Variants in PEX1 observed in about 807,000 individuals in gnomAD.
PEX1 encodes peroxisomal ATPase PEX1.
A neutral mutation model predicts 152.5 loss-of-function variants in PEX1; 97 were observed. The observed-to-expected ratio is 0.64, with a 90% CI of 0.54 to 0.75. The LOEUF (loss-of-function observed/expected upper bound fraction) is 0.75. PEX1 is among the 30% of genes least tolerant of loss of function. PEX1 has a pLI of 0.00. For synonymous variants in PEX1, 485 were observed against 531.6 expected (o/e 0.91, Z 1.21); for missense variants, 1,357 against 1,516.3 (o/e 0.89, Z 1.74).
intron 5 of PEX1, among the ~76,000 whole-genome samples, chr7:92,516,490 T>C (rs554633643): frequency 6.6e-6 from 1 of 152,108 alleles, no homozygotes; most frequent in Non-Finnish European, 1.5e-5. Context: ...TGTCAGTTAT[T>C]TGTATAAAGG....
rs1792592603 is a variant in PEX1, at chr7:92,513,792, G to C, written c.1359+56C>G. On this transcript the variant is annotated intron_variant, in intron 6 of 23. Coordinates refer to ENST00000248633, the MANE Select transcript of PEX1 (RefSeq NM_000466.3). ...TCTTATTACTTAGCTAAAGCAACTAGAAATCTTACAAAACGTGTAAAAGAA... is the reference window on the plus strand; with the variant it reads ...TCTTATTACTTAGCTAAAGCAACTACAAATCTTACAAAACGTGTAAAAGAA... 18 of 1,338,190 alleles carry C rather than the reference G, an allele frequency of 1.3e-5. No homozygotes were observed. The South Asian group carries it at 2.2e-4, about 16-fold the overall frequency. The allele number at this position is 1,338,190 out of a possible 1,614,324, so 82.9% of individuals were successfully genotyped here.
intron 5 of PEX1, among the ~76,000 whole-genome samples, chr7:92,516,051 G>GAGAAGAGAAAAA (rs1792740402): frequency 1.3e-5 from 1 of 75,336 alleles, no homozygotes; most frequent in African/African-American, 5.1e-5. Flanking sequence ...GAGAAGAGAA[G>GAGAAGAGAAAAA]AGAAAAAAGA....
chr7:92,499,317 T>C (rs1325093633), intron 16 of PEX1, among the ~76,000 whole-genome samples: 1 of 152,206 alleles, frequency 6.6e-6, no homozygotes, highest in African/African-American at 2.4e-5. Context: ...ATTCAAATGT[T>C]CACCACTGAT....
At chr7:92,511,166 G>A in intron 7 of PEX1, 119 bp from the exon 8 acceptor site, 1 of 630,084 alleles carries the variant, frequency 1.6e-6, no homozygotes, top group Non-Finnish European at 2.8e-6. Context: ...CCCCAACAGG[G>A]TCTCACTCTG....
intron 2 of PEX1, among the ~76,000 whole-genome samples, chr7:92,521,257 A>G (rs1488000859): frequency 6.6e-6 from 1 of 151,514 alleles, no homozygotes; most frequent in African/African-American, 2.4e-5. Context: ...TAAGCCATTG[A>G]GCCCAGCCTC....
chr7:92,496,577 G>A (rs543818500), intron 17 of PEX1, 136 bp downstream of exon 17: 17 of 713,406 alleles, frequency 2.4e-5, no homozygotes, highest in South Asian at 7.9e-5. Context: ...GAGAATCCAC[G>A]TCCTCTAGCT....
chr7:92,520,530 A>G (rs1793003780), intron 2 of PEX1, among the ~76,000 whole-genome samples: 1 of 152,228 alleles, frequency 6.6e-6, no homozygotes, highest in Non-Finnish European at 1.5e-5. Context: ...AGCCCCATCT[A>G]TATAAGTTTT....
chr7:92,527,676 T>A (rs1793346461), intron 1 of PEX1, among the ~76,000 whole-genome samples: 1 of 152,218 alleles, frequency 6.6e-6, no homozygotes, highest in African/African-American at 2.4e-5. Context: ...ATTATGAAAA[T>A]ATGGACGCTG....
chr7:92,504,954 A>T (rs1792114834), intron 11 of PEX1, 52 bp from the exon 12 acceptor site: 1 of 1,371,920 alleles, frequency 7.3e-7, no homozygotes, highest in African/African-American at 1.4e-5. Context: ...TGCTGGGAAA[A>T]TTCAGGTTGT....
At chr7:92,488,398 C>A (rs1440055941) in intron 23 of PEX1, among the ~76,000 whole-genome samples, 1 of 152,084 alleles carries the variant, frequency 6.6e-6, no homozygotes, top group Admixed American at 6.5e-5. Flanking sequence ...AATTAGATAA[C>A]AAAAGGTAGC....
At chr7:92,505,902 G>C (rs1197057401) in intron 11 of PEX1, among the ~76,000 whole-genome samples, 2 of 152,090 alleles carry the variant, frequency 1.3e-5, no homozygotes, top group African/African-American at 4.8e-5. Flanking sequence ...TCTCTCCCCT[G>C]AAGCAACCAT....
At chr7:92,490,528 A>G in intron 21 of PEX1, among the ~76,000 whole-genome samples, 1 of 151,132 alleles carries the variant, frequency 6.6e-6, no homozygotes, top group East Asian at 2.0e-4. Context: ...CCAGCTACTC[A>G]GGAGGCTGAG....
rs959952432 is a variant in PEX1, at chr7:92,505,361, C to T, written c.1901-459G>A. 2.7e-5 allele frequency among the ~76,000 whole-genome samples: 4 copies of T among 146,982 alleles called. No homozygotes were observed. The East Asian group carries it at 6.0e-4, about 22-fold the overall frequency. ...CTGGGAGGTGGAGGCTATAGTGAGC[C>T]GAGATCGCACCACTGCACTCCAGCC... On this transcript the variant is annotated intron_variant, in intron 11 of 23. Transcript: ENST00000248633.
chr7:92,506,935 A>G, intron 10 of PEX1, 59 bp downstream of exon 10: 1 of 1,578,854 alleles, frequency 6.3e-7, no homozygotes, highest in Non-Finnish European at 8.7e-7. Flanking sequence ...AAACCCAAAG[A>G]AAGATAAATG....
chr7:92,491,147 T>C (rs1322338647), intron 21 of PEX1, 125 bp downstream of exon 21: 7 of 691,878 alleles, frequency 1.0e-5, no homozygotes, highest in Non-Finnish European at 1.6e-5. Context: ...AACAAGACTA[T>C]TTTACTGAAG....
In PEX1 at chr7:92,503,152, C is replaced by T. The variant is rs779359502; in HGVS notation, c.2115G>A (p.Leu705=). 4 of 1,613,750 alleles carry T rather than the reference C, an allele frequency of 2.5e-6. 1 individual carries two copies. Among genetic ancestry groups the T allele is most frequent in the Non-Finnish European group, 3.4e-6 (4 of 1,179,812 alleles). ...ACTGACTTGTGGCAATCAGTGCAAC[C>T]AAACTTCCCATGGAGATAAACTCTT... ...MIKEFISMGS[L]VALIATSQSQ... is the part of the protein sequence containing the mutation. The change falls in exon 13 of 24, where the codon TTG becomes TTA. Residue 705 remains leucine, a synonymous_variant. Transcript: ENST00000248633.
Position 92,487,099 on chromosome 7 carries a change from A to T in PEX1, c.*358T>A, listed in dbSNP as rs1790961156. 1 of 160,732 alleles carries T rather than the reference A, an allele frequency of 6.2e-6. No individual in the cohort carries two copies. Among genetic ancestry groups the T allele is most frequent in the East Asian group, 1.8e-4 (1 of 5,608 alleles). 10.0% of individuals were successfully genotyped at this position (160,732 alleles called of 1,614,324 possible). A position where few individuals can be genotyped will look rare whatever the true frequency, so the allele number is the denominator to read the frequency against. ...GCATAAAATTTGTCAAATGCTACAA[A>T]GGTGATGAATATACAACTGGGAATT... is the stretch of plus-strand genomic sequence containing the variant. On this transcript the variant is annotated 3_prime_UTR_variant, in exon 24 of 24. Coordinates refer to ENST00000248633, the MANE Select transcript of PEX1 (RefSeq NM_000466.3).
chr7:92,492,865 A>G, intron 20 of PEX1, 88 bp downstream of exon 20: 1 of 1,036,208 alleles, frequency 9.7e-7, no homozygotes, highest in Non-Finnish European at 1.5e-6. Context: ...AGTTGTTTAA[A>G]AAATAGCATT....
In PEX1 at chr7:92,489,855, A is replaced by G; in HGVS notation, c.3495T>C (p.Pro1165=). The change falls in exon 22 of 24, where the codon CCT becomes CCC. Residue 1165 remains proline (P), a synonymous_variant. Transcript: ENST00000248633. ...SSMTQDLPGV[P]GKDQLFSQPP... is the part of the protein sequence containing the mutation. ...GCTGTGAAAACAACTGGTCTTTCCCAGGAACTCCAGGCAAATCCTGAGTCA... is the reference window on the plus strand; with the variant it reads ...GCTGTGAAAACAACTGGTCTTTCCCGGGAACTCCAGGCAAATCCTGAGTCA... The G allele has an allele frequency of 6.2e-7, 1 of 1,614,128 alleles. No individual in the cohort carries two copies. Among genetic ancestry groups the G allele is most frequent in the Non-Finnish European group, 8.5e-7 (1 of 1,179,996 alleles).
Sources: allele counts gnomAD v4.1 joint callset (sites outside exome capture counted in the v4.1 genomes callset), GRCh38; gene constraint gnomAD v4.1.1; transcripts MANE v1.5; gene names NCBI Gene and HGNC (gene_info 2026-07-23, HGNC 2026-07-21).